MCCC1: variants seen among roughly 807,000 people sequenced by gnomAD.
MCCC1 encodes methylcrotonyl-CoA carboxylase subunit 1.
A neutral mutation model predicts 83.8 loss-of-function variants in MCCC1; 64 were observed. That is an observed-to-expected ratio of 0.76 (90% CI 0.62 to 0.94). The LOEUF is 0.94. MCCC1 is among the 40% of genes least tolerant of loss of function. The pLI, the probability that MCCC1 is intolerant of heterozygous loss-of-function variation, is 0.00. For synonymous variants in MCCC1, 322 were observed against 315.4 expected, an observed-to-expected ratio of 1.02 and a Z score of -0.22; for missense variants, 807 against 904.7, an observed-to-expected ratio of 0.89 and a Z score of 1.39.
At chr3:183,106,504 T>TTCTA (rs1481319533) in intron 1 of MCCC1, among the ~76,000 whole-genome samples, 1 of 151,550 alleles carries the variant, frequency 6.6e-6, no homozygotes, top group African/African-American at 2.4e-5. Flanking sequence ...CTTTCTTTCT[T>TTCTA]TCTTTCTTTT....
In MCCC1 at chr3:183,045,510, T is replaced by A; in HGVS notation, c.986A>T (p.His329Leu). Residue 329 changes from histidine to leucine, a missense_variant, in exon 10 of 19, where the codon CAT (histidine) becomes CTT (leucine). By Grantham distance (99) the His-to-Leu change is moderately conservative. Transcript: ENST00000265594. ...GTVEFIMDSK[H>L]NFCFMEMNTR... Reference sequence around the variant, plus strand: ...ATTCATCTCCATGAAACAGAAATTATGTTTTGAGTCCATAATAAACTCCAC... The same window carrying A: ...ATTCATCTCCATGAAACAGAAATTAAGTTTTGAGTCCATAATAAACTCCAC... 1 of 1,614,166 alleles carries A rather than the reference T, an allele frequency of 6.2e-7. No individual in the cohort carries two copies. Among genetic ancestry groups the A allele is most frequent in the Non-Finnish European group, 8.5e-7 (1 of 1,179,992 alleles).
chr3:183,076,902 C>A (rs1717114849), intron 4 of MCCC1, among the ~76,000 whole-genome samples: 1 of 152,140 alleles, frequency 6.6e-6, no homozygotes, highest in South Asian at 2.1e-4. Flanking sequence ...TCCCCATAAA[C>A]CCCCAGCCCT....
At chr3:183,103,301 A>G (rs955556406), upstream of MCCC1, among the ~76,000 whole-genome samples, 2 of 151,776 alleles carry the variant, frequency 1.3e-5, no homozygotes, top group Non-Finnish European at 2.9e-5. Context: ...GGTTGGCACT[A>G]CTCGCTCTGG....
rs1329704720 is a variant in MCCC1 at position 183,064,454 on chromosome 3, T to C, written c.761+6545A>G. Among the ~76,000 whole-genome samples the C allele has an allele frequency of 1.3e-5, 2 of 152,218 alleles. No homozygotes were observed. Among genetic ancestry groups the C allele is most frequent in the Admixed American group, 1.3e-4 (2 of 15,294 alleles). Reference sequence around the variant, plus strand: ...TTCCCTCGCTCCAGGAGACGCTTGGTGGGCACCCAGGAAGCTCCGTAAAGG... The same window carrying C: ...TTCCCTCGCTCCAGGAGACGCTTGGCGGGCACCCAGGAAGCTCCGTAAAGG... On this transcript the variant is annotated intron_variant, in intron 7 of 18. Coordinates refer to ENST00000265594, the MANE Select transcript of MCCC1 (RefSeq NM_020166.5). The surrounding 1 kb of genome is among the most constrained non-coding windows in gnomAD (Gnocchi z 4.5).
intron 4 of MCCC1, among the ~76,000 whole-genome samples, chr3:183,084,185 C>T (rs1017852531): frequency 2.6e-5 from 4 of 152,254 alleles, no homozygotes; most frequent in African/African-American, 9.6e-5. Context: ...ATGTGAGCCA[C>T]TGTGTCCAGC....
chr3:183,049,342 C>T lies in MCCC1; in HGVS notation c.955+2817G>A, dbSNP rs531726485. On this transcript the variant is annotated intron_variant, in intron 9 of 18. Coordinates refer to ENST00000265594, the MANE Select transcript of MCCC1 (RefSeq NM_020166.5). ...ATAAAATCAGTAACCTTGGCCACAG[C>T]GGGCAGCTCAAAAGGTCAAGAGATC... Among the ~76,000 whole-genome samples, 11 of 152,020 alleles carry T rather than the reference C, an allele frequency of 7.2e-5. No homozygotes were observed. In the East Asian group the frequency reaches 1.2e-3, roughly 16 times the overall value.
intron 8 of MCCC1, among the ~76,000 whole-genome samples, chr3:183,055,616 G>T (rs1007177758): frequency 6.6e-6 from 1 of 151,964 alleles, no homozygotes. Context: ...TATGTTTCAG[G>T]CTGAGCACAG....
intron 14 of MCCC1, among the ~76,000 whole-genome samples, chr3:183,031,253 T>G (rs1540736): frequency 0.9 from 136,790 of 152,122 alleles, 61,809 homozygotes; most frequent in East Asian, 1. Flanking sequence ...TCATTGGCCT[T>G]TTCTGAAAAT....
intron 17 of MCCC1, 85 bp from the exon 18 acceptor site, chr3:183,017,422 C>T (rs1359971341): frequency 2.6e-5 from 31 of 1,188,246 alleles, no homozygotes; most frequent in South Asian, 1.2e-5. Context: ...AACCATTTTA[C>T]TGTCTATATA....
intron 7 of MCCC1, among the ~76,000 whole-genome samples, chr3:183,070,738 A>C (rs1403644976): frequency 1.3e-5 from 2 of 152,124 alleles, no homozygotes; most frequent in Admixed American, 1.3e-4. Context: ...CCGTCCAAAA[A>C]AAAAAAAAAA....
chr3:183,060,276 C>T (rs182138700), intron 7 of MCCC1, among the ~76,000 whole-genome samples: 143 of 152,258 alleles, frequency 9.4e-4, no homozygotes, highest in African/African-American at 3.3e-3. Context: ...TTTGTCCCAT[C>T]ATAGTTGTAC....
At chr3:183,073,719 G>A (rs1006469672) in intron 4 of MCCC1, among the ~76,000 whole-genome samples, 5 of 152,172 alleles carry the variant, frequency 3.3e-5, no homozygotes, top group African/African-American at 9.7e-5. Context: ...ATAGAAACTT[G>A]GTCCTTACCA....
intron 7 of MCCC1, among the ~76,000 whole-genome samples, chr3:183,060,475 A>G (rs1715735111): frequency 6.6e-6 from 1 of 152,246 alleles, no homozygotes; most frequent in Non-Finnish European, 1.5e-5. Context: ...AAACGTGAGA[A>G]GAAAGCTATT....
At chr3:183,104,383 G>T (rs1719374474), upstream of MCCC1, among the ~76,000 whole-genome samples, 1 of 152,210 alleles carries the variant, frequency 6.6e-6, no homozygotes, top group Admixed American at 6.5e-5. Context: ...CTCCGAAAGT[G>T]CTGGGATTAC....
intron 14 of MCCC1, among the ~76,000 whole-genome samples, chr3:183,031,230 A>G (rs1417223402): frequency 6.6e-6 from 1 of 152,218 alleles, no homozygotes; most frequent in Non-Finnish European, 1.5e-5. Flanking sequence ...TCACACTAAC[A>G]ATAACACTAA....
Position 183,015,330 on chromosome 3 carries a change from T to G in MCCC1, c.*108A>C. The G allele has an allele frequency of 8.7e-7, 1 of 1,144,068 alleles. No individual in the cohort carries two copies. The highest frequency in any genetic ancestry group is 1.3e-6 in the Non-Finnish European group (1 of 755,074). The allele number at this position is 1,144,068 out of a possible 1,614,324, so 70.9% of individuals were successfully genotyped here. ...AAAGGTGTTCAGCATAAGCATACAA[T>G]CATTTAGTAAAACTGCTCTTTATGA... is the stretch of plus-strand genomic sequence containing the variant. On this transcript the variant is annotated 3_prime_UTR_variant, in exon 19 of 19. Coordinates refer to ENST00000265594, the MANE Select transcript of MCCC1 (RefSeq NM_020166.5).
chr3:183,049,828 A>G (rs1486532420), intron 9 of MCCC1, among the ~76,000 whole-genome samples: 1 of 152,248 alleles, frequency 6.6e-6, no homozygotes, highest in Non-Finnish European at 1.5e-5. Context: ...CAAGAAAGAG[A>G]GAACCTAGGG....
At chr3:183,028,089 A>G (rs1712757348) in intron 14 of MCCC1, among the ~76,000 whole-genome samples, 1 of 152,192 alleles carries the variant, frequency 6.6e-6, no homozygotes. Context: ...CTCTCTTTCT[A>G]GGGGTTAATG....
At chr3:183,071,157 T>C (rs753851623) in intron 6 of MCCC1, 37 bp from the exon 7 acceptor site, 19 of 1,614,044 alleles carry the variant, frequency 1.2e-5, no homozygotes, top group Non-Finnish European at 1.4e-5. Flanking sequence ...ACAACATAAA[T>C]AAAACAAAGA....
Sources: gnomAD v4.1 joint callset for allele counts (sites outside exome capture counted in the v4.1 genomes callset) on GRCh38, gnomAD v4.1.1 for gene constraint, Gnocchi (gnomAD v3.1) non-coding constraint, MANE v1.5 for transcripts, NCBI Gene and HGNC (gene_info 2026-07-23, HGNC 2026-07-21) for gene names.